Variants in FBXO36 observed in about 807,000 individuals in gnomAD.
FBXO36 encodes the protein F-box only protein 36.
Under a neutral mutation model 17.0 loss-of-function variants are expected in FBXO36, and 18 were observed. The ratio of observed to expected loss-of-function variants is 1.06; its 90% CI spans 0.73 to 1.57. FBXO36 has a LOEUF of 1.57. FBXO36 is among the 40% of genes most tolerant of loss of function. The probability of loss-of-function intolerance (pLI) is 0.00; values close to 1 mark genes in which losing one functional copy is unlikely to be tolerated. For synonymous variants in FBXO36, 83 were observed against 85.3 expected, an observed-to-expected ratio of 0.97 and a Z score of 0.15; for missense variants, 229 against 221.9, an observed-to-expected ratio of 1.03 and a Z score of -0.20.
In FBXO36 at chr2:230,012,705, A is replaced by C. The variant is rs569311455; in HGVS notation, c.*1821A>C. 4 of 151,882 alleles carry C rather than the reference A, an allele frequency of 2.6e-5. No individual in the cohort carries two copies. Among genetic ancestry groups the C allele is most frequent in the Admixed American group, 6.6e-5 (1 of 15,260 alleles). The allele number at this position is 151,882 out of a possible 1,614,324, so 9.4% of individuals were successfully genotyped here. A position where few individuals can be genotyped will look rare whatever the true frequency, so the allele number is the denominator to read the frequency against. The stretch of plus-strand genomic sequence containing the variant: ...GGCCTAATTTTCAATGACAGAACGT[A>C]GGTTTTATCGTGAGGATGCAGACAC... On this transcript the variant is annotated 3_prime_UTR_variant, in exon 4 of 4. Transcript: ENST00000283946.
chr2:229,927,257 G>T (rs1263596171), intron 1 of FBXO36, among the ~76,000 whole-genome samples: 1 of 152,092 alleles, frequency 6.6e-6, no homozygotes, highest in Non-Finnish European at 1.5e-5. Flanking sequence ...TATTTGATTT[G>T]TAAAAACACT....
chr2:229,999,967 C>G (rs974781348), intron 3 of FBXO36, among the ~76,000 whole-genome samples: 2 of 151,864 alleles, frequency 1.3e-5, no homozygotes, highest in Admixed American at 6.6e-5. Flanking sequence ...ATTTTCCTAC[C>G]TAAAAATGGA....
chr2:229,995,792 A>T (rs1388077704), intron 2 of FBXO36, among the ~76,000 whole-genome samples: 5 of 151,416 alleles, frequency 3.3e-5, no homozygotes, highest in Non-Finnish European at 5.9e-5. Flanking sequence ...GGGTTTCTCC[A>T]TGTTGGTCAG....
chr2:229,960,572 C>T (rs1328298739), intron 1 of FBXO36, among the ~76,000 whole-genome samples: 2 of 152,098 alleles, frequency 1.3e-5, no homozygotes, highest in Non-Finnish European at 2.9e-5. Flanking sequence ...CTCACTGCAG[C>T]CTCGAACACC....
intron 1 of FBXO36, among the ~76,000 whole-genome samples, chr2:229,932,402 C>T (rs1469128595): frequency 6.6e-6 from 1 of 152,114 alleles, no homozygotes; most frequent in Admixed American, 6.5e-5. Flanking sequence ...TGCCTGTAAT[C>T]CCAGCTACTC....
chr2:229,927,703 T>C (rs2076920277), intron 1 of FBXO36, among the ~76,000 whole-genome samples: 1 of 150,008 alleles, frequency 6.7e-6, no homozygotes, highest in South Asian at 2.1e-4. Context: ...TCTCTTTTTC[T>C]AAATCCTATC....
intron 1 of FBXO36, among the ~76,000 whole-genome samples, chr2:229,933,833 G>T (rs968905135): frequency 6.6e-6 from 1 of 151,872 alleles, no homozygotes; most frequent in East Asian, 1.9e-4. Context: ...TTACAGGCGC[G>T]CACCACCATA....
At chr2:229,984,911 G>T (rs963116622) in intron 2 of FBXO36, among the ~76,000 whole-genome samples, 4 of 152,120 alleles carry the variant, frequency 2.6e-5, no homozygotes, top group African/African-American at 9.7e-5. Flanking sequence ...ACTTACATGA[G>T]AATGTCAGTA....
At chr2:230,006,993 T>A (rs955760663) in intron 3 of FBXO36, among the ~76,000 whole-genome samples, 1 of 152,242 alleles carries the variant, frequency 6.6e-6, no homozygotes, top group Non-Finnish European at 1.5e-5. Flanking sequence ...GCCTTTGCTC[T>A]GATTCTATGT....
At chr2:230,005,377 A>G (rs751233458) in intron 3 of FBXO36, among the ~76,000 whole-genome samples, 13 of 152,296 alleles carry the variant, frequency 8.5e-5, no homozygotes, top group Non-Finnish European at 1.9e-4. Context: ...TTGGGATTAC[A>G]GGTGTGAGCC....
At chr2:229,973,288 A>T (rs1055523677) in intron 1 of FBXO36, 1 of 152,106 alleles carries the variant, frequency 6.6e-6, no homozygotes, top group Non-Finnish European at 1.5e-5. Context: ...TTGAGAAAAA[A>T]TAAGTGTTAG....
chr2:229,981,086 C>G (rs1038527507), intron 2 of FBXO36, among the ~76,000 whole-genome samples: 1 of 152,196 alleles, frequency 6.6e-6, no homozygotes, highest in Non-Finnish European at 1.5e-5. Flanking sequence ...TGTCCTGCCA[C>G]CAGCCCGCTG....
chr2:229,967,000 T>C lies in FBXO36; in HGVS notation c.97-9241T>C, dbSNP rs529547147. On this transcript the variant is annotated intron_variant, in intron 1 of 3. Transcript: ENST00000283946. Reference sequence around the variant, plus strand: ...ATGGCCATTTTCACGATATTCTTCCTACCCATGAGCATGGAATGTTCTTCC... The same window carrying C: ...ATGGCCATTTTCACGATATTCTTCCCACCCATGAGCATGGAATGTTCTTCC... Among the ~76,000 whole-genome samples, 11 of 152,358 alleles carry C rather than the reference T, an allele frequency of 7.2e-5. No homozygotes were observed. In the South Asian group the frequency reaches 1.7e-3, roughly 23 times the overall value.
At chr2:230,000,123 CGAGGT>C (rs1242510326) in intron 3 of FBXO36, among the ~76,000 whole-genome samples, 1 of 151,756 alleles carries the variant, frequency 6.6e-6, no homozygotes, top group Non-Finnish European at 1.5e-5. Context: ...TTTGGGAGGC[CGAGGT>C]GGGTGGATCA....
chr2:229,956,640 G>C (rs775873869), intron 1 of FBXO36, among the ~76,000 whole-genome samples: 6 of 152,182 alleles, frequency 3.9e-5, no homozygotes, highest in Non-Finnish European at 7.3e-5. Flanking sequence ...TGGTAAGTCA[G>C]TCTCCCTACA....
intron 1 of FBXO36, among the ~76,000 whole-genome samples, chr2:229,970,277 T>C (rs774345547): frequency 5.3e-5 from 8 of 151,578 alleles, no homozygotes; most frequent in Non-Finnish European, 8.8e-5. Context: ...ATCAACACTT[T>C]GGAAGGCTGA....
chr2:229,963,444 CTT>C (rs757351541), intron 1 of FBXO36, among the ~76,000 whole-genome samples: 11 of 129,194 alleles, frequency 8.5e-5, no homozygotes, highest in Admixed American at 1.6e-4. Context: ...TTTCTTTTTT[CTT>C]TTTTTTTTTT....
chr2:229,939,800 CGCCGGGCGCCGTG>C (rs1560433247), intron 1 of FBXO36, among the ~76,000 whole-genome samples: 2 of 152,226 alleles, frequency 1.3e-5, no homozygotes, highest in African/African-American at 4.8e-5. Context: ...AGCTAAGAAC[CGCCGGGCGCCGTG>C]GCTCACGCCT....
chr2:229,943,860 A>G (rs1184291599), intron 1 of FBXO36, among the ~76,000 whole-genome samples: 2 of 152,080 alleles, frequency 1.3e-5, no homozygotes, highest in Non-Finnish European at 2.9e-5. Context: ...TCTCAGTTCA[A>G]ATTGTAATCC....
Sources: allele counts gnomAD v4.1 joint callset (sites outside exome capture counted in the v4.1 genomes callset), GRCh38; gene constraint gnomAD v4.1.1; transcripts MANE v1.5; gene names NCBI Gene and HGNC (gene_info 2026-07-23, HGNC 2026-07-21).